FAM13A: variants seen among roughly 807,000 people sequenced by gnomAD.
The protein encoded by FAM13A is family with sequence similarity 13 member A.
A neutral mutation model predicts 129.6 loss-of-function variants in FAM13A; 76 were observed. That is an observed-to-expected ratio of 0.59 (90% CI 0.49 to 0.71). The LOEUF is 0.71. FAM13A is among the 30% of genes least tolerant of loss of function. The pLI is 0.00. For synonymous variants in FAM13A, 443 were observed against 449.9 expected, an observed-to-expected ratio of 0.98 and a Z score of 0.20; for missense variants, 1,108 against 1,249.3, an observed-to-expected ratio of 0.89 and a Z score of 1.70.
At chr4:88,970,980 G>C (rs900372589) in intron 4 of FAM13A, among the ~76,000 whole-genome samples, 3 of 152,182 alleles carry the variant, frequency 2.0e-5, no homozygotes, top group Non-Finnish European at 4.4e-5. Flanking sequence ...AGGCCGAGGC[G>C]GGTGGATCAT....
rs890696973 is a variant in FAM13A at position 89,037,431 on chromosome 4, C to A, written c.28-7782G>T. Among the ~76,000 whole-genome samples, 4 of 152,322 alleles carry A rather than the reference C, an allele frequency of 2.6e-5. No homozygotes were observed. In the South Asian group the frequency reaches 6.2e-4, roughly 24 times the overall value. On this transcript the variant is annotated intron_variant, in intron 1 of 23. Transcript: ENST00000264344. ...TGAAATGGATGTATTTACCTAACACCTGTACCCCATTTTATCTTGGAAGAA... is the reference window on the plus strand; with the variant it reads ...TGAAATGGATGTATTTACCTAACACATGTACCCCATTTTATCTTGGAAGAA...
Position 88,906,480 on chromosome 4 carries a change from A to G in FAM13A, c.760-18T>C. The G allele has an allele frequency of 6.5e-7, 1 of 1,530,806 alleles. No individual in the cohort carries two copies. Among genetic ancestry groups the G allele is most frequent in the Non-Finnish European group, 8.9e-7 (1 of 1,118,312 alleles). 94.8% of individuals were successfully genotyped at this position (1,530,806 alleles called of 1,614,324 possible). On this transcript the variant is annotated intron_variant, in intron 5 of 23. Coordinates refer to ENST00000264344, the MANE Select transcript of FAM13A (RefSeq NM_014883.4). Reference sequence around the variant, plus strand: ...TAGACCTCCTACAAAAGAAGTATAAAGGAAACATTAGAGATTAAAGAACAC... The same window carrying G: ...TAGACCTCCTACAAAAGAAGTATAAGGGAAACATTAGAGATTAAAGAACAC...
chr4:88,781,850 GGA>G (rs1491499927), intron 10 of FAM13A, among the ~76,000 whole-genome samples: 1 of 149,610 alleles, frequency 6.7e-6, no homozygotes, highest in East Asian at 1.9e-4. Context: ...TGGGGTGGGG[GGA>G]GCGGGGAGGG....
intron 6 of FAM13A, among the ~76,000 whole-genome samples, chr4:88,866,144 T>C (rs1740398848): frequency 6.6e-6 from 1 of 151,950 alleles, no homozygotes; most frequent in African/African-American, 2.4e-5. Context: ...GCCACCTGGG[T>C]TCAAGCGTTC....
chr4:88,913,463 A>T (rs201029517), intron 5 of FAM13A, among the ~76,000 whole-genome samples: 1 of 83,318 alleles, frequency 1.2e-5, no homozygotes. Flanking sequence ...AAGAAGAAGA[A>T]GAGGAGGAGG....
chr4:89,022,807 C>T (rs761659103), intron 2 of FAM13A, among the ~76,000 whole-genome samples: 26 of 152,142 alleles, frequency 1.7e-4, no homozygotes, highest in African/African-American at 5.8e-4. Context: ...CTACTGGCCA[C>T]GGGCAAACAA....
At chr4:88,891,434 A>C (rs1745301972) in intron 6 of FAM13A, among the ~76,000 whole-genome samples, 1 of 152,110 alleles carries the variant, frequency 6.6e-6, no homozygotes. Flanking sequence ...AAAAGGAAAA[A>C]GAGTAAGAAA....
At chr4:88,983,223 T>G (rs541357672) in intron 4 of FAM13A, among the ~76,000 whole-genome samples, 14 of 152,160 alleles carry the variant, frequency 9.2e-5, no homozygotes, top group Admixed American at 7.9e-4. Flanking sequence ...TAACCCAACC[T>G]ATTATATCAA....
At chr4:89,005,084 T>C (rs1405997241) in intron 3 of FAM13A, among the ~76,000 whole-genome samples, 2 of 150,660 alleles carry the variant, frequency 1.3e-5, no homozygotes, top group Non-Finnish European at 3.0e-5. Flanking sequence ...CATCCTCAAG[T>C]AGACCTAGTG....
At chr4:88,751,311 C>T (rs1230623494) in intron 14 of FAM13A, among the ~76,000 whole-genome samples, 1 of 152,076 alleles carries the variant, frequency 6.6e-6, no homozygotes, top group African/African-American at 2.4e-5. Context: ...TATTTGGTAT[C>T]ACGGCTGTAC....
At chr4:88,858,569 A>G (rs564607587) in intron 6 of FAM13A, among the ~76,000 whole-genome samples, 2 of 152,356 alleles carry the variant, frequency 1.3e-5, no homozygotes, top group African/African-American at 4.8e-5. Context: ...CAGTAATGAA[A>G]GGAATGAAGT....
chr4:88,911,020 T>G (rs1046154822), intron 5 of FAM13A, among the ~76,000 whole-genome samples: 2 of 152,178 alleles, frequency 1.3e-5, no homozygotes, highest in Non-Finnish European at 2.9e-5. Context: ...ATAAATACAT[T>G]ATATCCACAG....
At position 88,851,144 on chromosome 4, in the gene FAM13A, T is replaced by G; in HGVS notation, c.883A>C (p.Arg295=). The change falls in exon 7 of 24, where the codon AGA becomes CGA. Residue 295 remains arginine (R), a synonymous_variant. Coordinates refer to ENST00000264344, the MANE Select transcript of FAM13A (RefSeq NM_014883.4). ...TCAGATAGCTCTGGTTGCAGTACTC[T>G]GTGGGCCTGAATAGATCCCTCACTC... The part of the protein sequence containing the change: ...SRSEGSIQAH[R]VLQPELSDGI... 6 of 1,613,396 alleles carry G rather than the reference T, an allele frequency of 3.7e-6. No homozygotes were observed.
intron 1 of FAM13A, among the ~76,000 whole-genome samples, chr4:89,055,075 T>C (rs1254366999): frequency 1.3e-5 from 2 of 152,238 alleles, no homozygotes; most frequent in Non-Finnish European, 2.9e-5. Flanking sequence ...CTTTTTCTCC[T>C]ATTAATCTAT....
chr4:89,038,835 T>C (rs1396898102), intron 1 of FAM13A, among the ~76,000 whole-genome samples: 1 of 152,138 alleles, frequency 6.6e-6, no homozygotes, highest in Non-Finnish European at 1.5e-5. Flanking sequence ...GCTGCCAAAA[T>C]ATCAACTGAA....
At chr4:88,880,386 C>T (rs1743316205) in intron 6 of FAM13A, among the ~76,000 whole-genome samples, 1 of 152,054 alleles carries the variant, frequency 6.6e-6, no homozygotes, top group Non-Finnish European at 1.5e-5. Flanking sequence ...ATTTAGAGAG[C>T]CAAGCGAAAT....
chr4:88,904,627 T>A (rs1023099496), intron 6 of FAM13A, among the ~76,000 whole-genome samples: 2 of 151,952 alleles, frequency 1.3e-5, no homozygotes, highest in Non-Finnish European at 2.9e-5. Context: ...TGGGGTGGCT[T>A]AGGGTGAGGG....
chr4:88,792,753 C>T (rs1725432808), intron 8 of FAM13A, among the ~76,000 whole-genome samples: 1 of 152,042 alleles, frequency 6.6e-6, no homozygotes, highest in African/African-American at 2.4e-5. Context: ...GCCTGTTAGT[C>T]CTCTATGCCA....
chr4:88,977,326 G>A (rs1455590983), intron 4 of FAM13A, among the ~76,000 whole-genome samples: 2 of 152,098 alleles, frequency 1.3e-5, no homozygotes, highest in East Asian at 1.9e-4. Context: ...GAGTGGATAT[G>A]ATGTGCAAAG....
Sources: allele counts gnomAD v4.1 joint callset (sites outside exome capture counted in the v4.1 genomes callset), GRCh38; gene constraint gnomAD v4.1.1; transcripts MANE v1.5; gene names NCBI Gene and HGNC (gene_info 2026-07-23, HGNC 2026-07-21).